IL1RAPL1: variants seen among roughly 807,000 people sequenced by gnomAD.
The protein encoded by IL1RAPL1 is interleukin 1 receptor accessory protein like 1, also known as interleukin-1 receptor accessory protein-like 1.
IL1RAPL1 carries 3 observed loss-of-function variants against 48.4 expected under a neutral mutation model. The ratio of observed to expected loss-of-function variants is 0.06; its 90% CI spans 0.03 to 0.16. The LOEUF (loss-of-function observed/expected upper bound fraction) is 0.16. Among genes scored for constraint, IL1RAPL1 ranks in the 10% least tolerant of loss-of-function variants. The probability of loss-of-function intolerance (pLI) is 1.00; values close to 1 mark genes in which losing one functional copy is unlikely to be tolerated. For synonymous variants in IL1RAPL1, 185 were observed against 187.7 expected (o/e 0.99, Z 0.12); for missense variants, 349 against 530.6 (o/e 0.66, Z 3.36).
chrX:29,118,230 C>G (rs1928713554), intron 2 of IL1RAPL1, among the ~76,000 whole-genome samples: 1 of 111,861 alleles, frequency 8.9e-6, no homozygotes, highest in South Asian at 3.7e-4. Context: ...TTGATAATAG[C>G]AATAATAGCT....
intron 3 of IL1RAPL1, among the ~76,000 whole-genome samples, chrX:29,378,382 TC>T (rs200815440): frequency 0.021 from 2,346 of 111,847 alleles, 62 homozygotes; most frequent in African/African-American, 0.071. Context: ...TTTAGTCGTG[TC>T]AGGCTGTTTA....
Position 29,920,215 on chromosome X carries a change from A to AT in IL1RAPL1, c.1057+122dup, listed in dbSNP as rs768677816. 5.2e-5 allele frequency: 48 copies of AT among 914,778 alleles called. No individual in the cohort carries two copies. The African/African-American group carries it at 8.2e-4, about 16-fold the overall frequency. The allele number at this position is 914,778 out of a possible 1,213,427, so 75.4% of individuals were successfully genotyped here. On this transcript the variant is annotated intron_variant, in intron 8 of 10. Coordinates refer to ENST00000378993, the MANE Select transcript of IL1RAPL1 (RefSeq NM_014271.4). ...CCACAAAGTTCTCCTAAATAAAATA[A>AT]TCATATTTGCATTAGAGCCACCGAG...
intron 2 of IL1RAPL1, among the ~76,000 whole-genome samples, chrX:28,872,970 G>A (rs1219076873): frequency 9.0e-6 from 1 of 110,994 alleles, no homozygotes; most frequent in African/African-American, 3.3e-5. Context: ...TTGCTATTCT[G>A]CCTTCAGTTT....
intron 5 of IL1RAPL1, among the ~76,000 whole-genome samples, chrX:29,528,294 TATACAC>T (rs1935575677): frequency 8.9e-6 from 1 of 112,549 alleles, no homozygotes. Context: ...CTATAGTACA[TATACAC>T]AATAAAGTAC....
intron 5 of IL1RAPL1, among the ~76,000 whole-genome samples, chrX:29,434,758 T>G (rs1046069689): frequency 9.0e-6 from 1 of 111,284 alleles, no homozygotes; most frequent in African/African-American, 3.2e-5. Flanking sequence ...AAAATACTCA[T>G]CAATTATTGT....
chrX:28,903,113 C>A (rs1315985506), intron 2 of IL1RAPL1, among the ~76,000 whole-genome samples: 1 of 110,357 alleles, frequency 9.1e-6, no homozygotes, highest in Non-Finnish European at 1.9e-5. Flanking sequence ...ATTTTCTTTC[C>A]TTTTTTTTGT....
intron 5 of IL1RAPL1, among the ~76,000 whole-genome samples, chrX:29,622,853 G>A (rs1924503727): frequency 9.0e-6 from 1 of 111,130 alleles, no homozygotes; most frequent in African/African-American, 3.3e-5. Context: ...CACTTGATAT[G>A]GGCTTATAAT....
At chrX:29,587,638 A>T (rs2147807868) in intron 5 of IL1RAPL1, among the ~76,000 whole-genome samples, 1 of 112,205 alleles carries the variant, frequency 8.9e-6, no homozygotes, top group African/African-American at 3.2e-5. Flanking sequence ...ATAAATATAA[A>T]CAACTTGTAT....
At chrX:28,737,226 T>TCTTC in intron 1 of IL1RAPL1, among the ~76,000 whole-genome samples, 1 of 87,404 alleles carries the variant, frequency 1.1e-5, no homozygotes. Flanking sequence ...TTTCTTTCTT[T>TCTTC]CTTTCTTTCT....
At chrX:29,046,418 A>G (rs1301482753) in intron 2 of IL1RAPL1, among the ~76,000 whole-genome samples, 5 of 111,213 alleles carry the variant, frequency 4.5e-5, no homozygotes, top group Non-Finnish European at 9.4e-5. Context: ...ATAGAGGGCA[A>G]TAGCAACACA....
chrX:29,538,358 A>C (rs1329949628), intron 5 of IL1RAPL1, among the ~76,000 whole-genome samples: 1 of 61,118 alleles, frequency 1.6e-5, no homozygotes, highest in African/African-American at 8.0e-5. Context: ...TTTTTTTTGG[A>C]GACGGAATCT....
intron 1 of IL1RAPL1, among the ~76,000 whole-genome samples, chrX:28,771,935 C>T (rs1308261815): frequency 6.3e-5 from 2 of 31,599 alleles, no homozygotes; most frequent in African/African-American, 4.1e-4. Flanking sequence ...GAGACTCCGT[C>T]TCAAAAAAAA....
At chrX:29,481,133 A>G (rs1227494979) in intron 5 of IL1RAPL1, among the ~76,000 whole-genome samples, 1 of 112,611 alleles carries the variant, frequency 8.9e-6, no homozygotes, top group Non-Finnish European at 1.9e-5. Context: ...TCTCTGCTTC[A>G]TTTGGCTAAA....
At chrX:29,290,186 T>G (rs1932348939) in intron 3 of IL1RAPL1, among the ~76,000 whole-genome samples, 1 of 112,252 alleles carries the variant, frequency 8.9e-6, no homozygotes, top group Non-Finnish European at 1.9e-5. Context: ...CTGCAGATAC[T>G]ATGAAAATAG....
intron 2 of IL1RAPL1, among the ~76,000 whole-genome samples, chrX:29,236,545 C>CTTTTTTTTTT (rs754996544): frequency 6.3e-3 from 395 of 63,070 alleles, no homozygotes; most frequent in East Asian, 0.014. Context: ...CTTTTTTTTT[C>CTTTTTTTTTT]TTTTTTTTTT....
At chrX:29,148,694 A>G (rs866827519) in intron 2 of IL1RAPL1, among the ~76,000 whole-genome samples, 1 of 111,963 alleles carries the variant, frequency 8.9e-6, no homozygotes, top group Middle Eastern at 4.6e-3. Flanking sequence ...TGTCAGCCTG[A>G]GCCAGCTGAA....
intron 6 of IL1RAPL1, among the ~76,000 whole-genome samples, chrX:29,796,285 G>A (rs1478405367): frequency 1.8e-5 from 2 of 112,199 alleles, no homozygotes; most frequent in Non-Finnish European, 3.8e-5. Context: ...ACATGCCTAT[G>A]ACAAACAAAT....
chrX:29,576,700 T>C (rs1401514144), intron 5 of IL1RAPL1, among the ~76,000 whole-genome samples: 1 of 111,317 alleles, frequency 9.0e-6, no homozygotes, highest in East Asian at 2.8e-4. Flanking sequence ...TATTAGGTCT[T>C]ACCAAACAAG....
intron 1 of IL1RAPL1, among the ~76,000 whole-genome samples, chrX:28,645,814 GATTAT>G (rs1312784467): frequency 2.7e-5 from 3 of 111,509 alleles, no homozygotes; most frequent in Non-Finnish European, 5.6e-5. Flanking sequence ...AAAATATGAT[GATTAT>G]ATTAATTCAT....
Sources: allele counts gnomAD v4.1 joint callset (sites outside exome capture counted in the v4.1 genomes callset), GRCh38; gene constraint gnomAD v4.1.1; transcripts MANE v1.5; gene names NCBI Gene and HGNC (gene_info 2026-07-23, HGNC 2026-07-21).